SRGAP3: variants seen among roughly 807,000 people sequenced by gnomAD.
SRGAP3 encodes the protein SLIT-ROBO Rho GTPase-activating protein 3.
In SRGAP3, 39 loss-of-function variants were observed where a neutral mutation model predicts 121.1. That is an observed-to-expected ratio of 0.32 (90% CI 0.25 to 0.42). The LOEUF is 0.42. SRGAP3 is among the 10% of genes least tolerant of loss of function. SRGAP3 has a pLI of 1.00. For missense variants in SRGAP3, 1,213 were observed against 1,470.6 expected (o/e 0.82, Z 2.86); for synonymous variants, 601 against 570.0 (o/e 1.05, Z -0.77).
intron 3 of SRGAP3, among the ~76,000 whole-genome samples, chr3:9,095,333 T>G (rs1025679649): frequency 6.6e-6 from 1 of 152,100 alleles, no homozygotes; most frequent in Non-Finnish European, 1.5e-5. Flanking sequence ...TTCTAATGTT[T>G]TCTTTAAGCA....
At chr3:9,138,742 A>G (rs1949750809) in intron 1 of SRGAP3, among the ~76,000 whole-genome samples, 1 of 152,198 alleles carries the variant, frequency 6.6e-6, no homozygotes, top group Non-Finnish European at 1.5e-5. Flanking sequence ...TACACAACGC[A>G]CAGTTTATTT....
At chr3:9,083,748 A>G (rs191409179) in intron 3 of SRGAP3, among the ~76,000 whole-genome samples, 1 of 152,294 alleles carries the variant, frequency 6.6e-6, no homozygotes, top group East Asian at 1.9e-4. Flanking sequence ...TCTGCTGGGA[A>G]GAGTCCTGTC....
At chr3:9,045,985 C>T (rs1945255322) in intron 10 of SRGAP3, among the ~76,000 whole-genome samples, 1 of 152,128 alleles carries the variant, frequency 6.6e-6, no homozygotes, top group Non-Finnish European at 1.5e-5. Flanking sequence ...CACTGTTTTT[C>T]TTCCCTCTTT....
intron 1 of SRGAP3, among the ~76,000 whole-genome samples, chr3:9,142,279 A>G (rs1474010278): frequency 6.6e-6 from 1 of 152,224 alleles, no homozygotes; most frequent in Admixed American, 6.5e-5. Context: ...TTATTACTAT[A>G]TAAGACTCTG....
At chr3:9,146,852 A>G (rs1468295621) in intron 1 of SRGAP3, among the ~76,000 whole-genome samples, 1 of 152,206 alleles carries the variant, frequency 6.6e-6, no homozygotes, top group East Asian at 1.9e-4. Flanking sequence ...CAACCACAGC[A>G]TGAGCAGAAT....
chr3:9,177,698 C>G (rs1446346369), intron 1 of SRGAP3, among the ~76,000 whole-genome samples: 1 of 152,188 alleles, frequency 6.6e-6, no homozygotes, highest in Non-Finnish European at 1.5e-5. Context: ...AATATTTACT[C>G]TCTCTTTTCT....
intron 10 of SRGAP3, among the ~76,000 whole-genome samples, chr3:9,042,102 CAAAAAAA>C (rs370049198): frequency 1.0e-5 from 1 of 98,180 alleles, no homozygotes. Context: ...GACGCCATCT[CAAAAAAA>C]AAAAAAAAAG....
intron 3 of SRGAP3, among the ~76,000 whole-genome samples, chr3:9,265,760 T>C (rs910324175): frequency 6.6e-6 from 1 of 152,148 alleles, no homozygotes; most frequent in Non-Finnish European, 1.5e-5. Flanking sequence ...AAGAACACTT[T>C]TACACTGTTG....
intron 1 of SRGAP3, among the ~76,000 whole-genome samples, chr3:9,245,341 G>C (rs1377552343): frequency 6.6e-6 from 1 of 152,162 alleles, no homozygotes; most frequent in Non-Finnish European, 1.5e-5. Context: ...GCCACAAATT[G>C]TTTCACGTGG....
chr3:9,311,169 CAAA>C (rs568030531), intron 3 of SRGAP3, among the ~76,000 whole-genome samples: 2 of 110,006 alleles, frequency 1.8e-5, no homozygotes. Flanking sequence ...GACTCCAGCT[CAAA>C]AAAAAAAAAA....
chr3:9,047,288 T>C (rs1243915891), intron 10 of SRGAP3, 103 bp downstream of exon 10: 59 of 1,189,384 alleles, frequency 5.0e-5, no homozygotes, highest in Non-Finnish European at 3.9e-5. Context: ...TTCTGCCAGG[T>C]GCCTGCTGTC....
intron 14 of SRGAP3, among the ~76,000 whole-genome samples, chr3:9,022,601 G>T (rs1027710043): frequency 1.3e-5 from 2 of 152,134 alleles, no homozygotes; most frequent in African/African-American, 4.8e-5. Flanking sequence ...CCAAACCCAG[G>T]GCATATGCTT....
intron 9 of SRGAP3, among the ~76,000 whole-genome samples, chr3:9,052,692 C>A (rs1462443983): frequency 6.6e-6 from 1 of 152,222 alleles, no homozygotes; most frequent in Non-Finnish European, 1.5e-5. Flanking sequence ...AATCTATATA[C>A]ATAATTTCAA....
chr3:9,301,397 G>C (rs986218654), intron 3 of SRGAP3, among the ~76,000 whole-genome samples: 2 of 152,236 alleles, frequency 1.3e-5, no homozygotes, highest in African/African-American at 2.4e-5. Context: ...ACAGGAAGAG[G>C]GGAAGGTGGC....
chr3:9,105,044 A>G (rs1260680457), intron 2 of SRGAP3, among the ~76,000 whole-genome samples: 1 of 152,222 alleles, frequency 6.6e-6, no homozygotes, highest in East Asian at 1.9e-4. Flanking sequence ...TGGGGCCAGA[A>G]CCCAGGTCTT....
intron 3 of SRGAP3, among the ~76,000 whole-genome samples, chr3:9,323,517 C>T (rs1339464068): frequency 6.6e-6 from 1 of 151,710 alleles, no homozygotes; most frequent in Non-Finnish European, 1.5e-5. Context: ...TTTCTCAGAA[C>T]ATCTCGAAGG....
intron 3 of SRGAP3, among the ~76,000 whole-genome samples, chr3:9,280,280 T>C (rs140307634): frequency 2.9e-3 from 447 of 152,332 alleles, no homozygotes; most frequent in Non-Finnish European, 5.3e-3. Flanking sequence ...CGAATAAACA[T>C]GATAGCTTCG....
At chr3:9,146,857 C>G (rs1160395951) in intron 1 of SRGAP3, among the ~76,000 whole-genome samples, 1 of 152,186 alleles carries the variant, frequency 6.6e-6, no homozygotes, top group Non-Finnish European at 1.5e-5. Flanking sequence ...ACAGCATGAG[C>G]AGAATTGTTC....
In SRGAP3 at chr3:9,198,989, G is replaced by A. The variant is rs572873287; in HGVS notation, c.67+49896C>T. ...GACATTTTCCAGCACTTCTCGCAGC[G>A]ACAGCCAATTTCAGAACAGAATCCT... On this transcript the variant is annotated intron_variant, in intron 1 of 21. Transcript: ENST00000383836. Among the ~76,000 whole-genome samples the A allele has an allele frequency of 7.2e-5, 11 of 152,216 alleles. No homozygotes were observed. In the South Asian group the frequency reaches 2.3e-3, roughly 32 times the overall value.
Sources: allele counts gnomAD v4.1 joint callset (sites outside exome capture counted in the v4.1 genomes callset), GRCh38; gene constraint gnomAD v4.1.1; transcripts MANE v1.5; gene names NCBI Gene and HGNC (gene_info 2026-07-23, HGNC 2026-07-21).